Variants in CELSR3 observed in about 807,000 individuals in gnomAD.
CELSR3 encodes cadherin EGF LAG seven-pass G-type receptor 3, also known as EGF-like protein 1.
Under a neutral mutation model 270.0 loss-of-function variants are expected in CELSR3, and 73 were observed. The observed-to-expected ratio is 0.27, with a 90% CI of 0.22 to 0.33. The LOEUF (loss-of-function observed/expected upper bound fraction) is 0.33, where lower values mean the gene tolerates loss of function less well. Ranked by LOEUF, CELSR3 falls within the 10% of genes least tolerant of loss-of-function variation. The pLI is 1.00. For missense variants in CELSR3, 3,614 were observed against 4,533.8 expected, an observed-to-expected ratio of 0.80 and a Z score of 5.83; for synonymous variants, 1,780 against 1,905.4, an observed-to-expected ratio of 0.93 and a Z score of 1.71.
In CELSR3 at chr3:48,660,423, CAG is replaced by C; in HGVS notation, c.2210_2211del (p.Ser737CysfsTer13). Reference sequence around the variant, plus strand: ...ACAGTCACGGTGACACTGGCTGAGGCAGAGAGTGGGGGTGAGCCATGGTCTCG... The same window carrying C: ...ACAGTCACGGTGACACTGGCTGAGGCAGAGTGGGGGTGAGCCATGGTCTCG... ...EARDHGSPPLSASASVTVTVL... is the reference protein window; with the variant it reads ...EARDHGSPPLXASASVTVTVL... On this transcript the variant is annotated frameshift_variant, in exon 1 of 35. Coordinates refer to ENST00000164024, the MANE Select transcript of CELSR3 (RefSeq NM_001407.3). LOFTEE classifies it high-confidence loss of function. The surrounding 1 kb of genome is among the most constrained non-coding windows in gnomAD (Gnocchi z 5.5). 1 of 1,614,080 alleles carries C rather than the reference CAG, an allele frequency of 6.2e-7. No homozygotes were observed. Among genetic ancestry groups the C allele is most frequent in the Non-Finnish European group, 8.5e-7 (1 of 1,180,030 alleles).
In CELSR3 at chr3:48,638,051, T is replaced by C. The variant is rs1203293913; in HGVS notation, c.*154A>G. 1.5e-6 allele frequency: 1 copy of C among 646,154 alleles called. No homozygotes were observed. Among genetic ancestry groups the C allele is most frequent in the African/African-American group, 1.8e-5 (1 of 55,632 alleles). 40.0% of individuals were successfully genotyped at this position (646,154 alleles called of 1,614,324 possible). A position where few individuals can be genotyped will look rare whatever the true frequency, so the allele number is the denominator to read the frequency against. On this transcript the variant is annotated 3_prime_UTR_variant, in exon 35 of 35. Coordinates refer to ENST00000164024, the MANE Select transcript of CELSR3 (RefSeq NM_001407.3). ...TCACACGCATGCTCACAGATGCACATGGAGCCTCAGCCCTGCCACACCAGG... is the reference window on the plus strand; with the variant it reads ...TCACACGCATGCTCACAGATGCACACGGAGCCTCAGCCCTGCCACACCAGG...
chr3:48,648,070 C>A, intron 19 of CELSR3, 74 bp from the exon 20 acceptor site: 4 of 1,557,852 alleles, frequency 2.6e-6, no homozygotes, highest in Non-Finnish European at 3.5e-6. Flanking sequence ...CCCTCTTACT[C>A]GCATCCCGCA....
Position 48,639,495 on chromosome 3 carries a change from C to T in CELSR3, c.9911+179G>A, listed in dbSNP as rs1479281348. ...AGCCAGCAAGTCCCTGCTAGTCACA[C>T]CCCCATTTCTTGCCAGATTCCTGTC... On this transcript the variant is annotated intron_variant, in intron 34 of 34. Coordinates refer to ENST00000164024, the MANE Select transcript of CELSR3 (RefSeq NM_001407.3). The surrounding 1 kb of genome is among the most constrained non-coding windows in gnomAD (Gnocchi z 4.1). Among the ~76,000 whole-genome samples the T allele has an allele frequency of 6.6e-6, 1 of 152,202 alleles. No individual in the cohort carries two copies. The highest frequency in any genetic ancestry group is 2.4e-5 in the African/African-American group (1 of 41,448).
At chr3:48,648,610 C>G (rs1216527570) in intron 18 of CELSR3, 109 bp downstream of exon 18, 1 of 1,418,580 alleles carries the variant, frequency 7.0e-7, no homozygotes, top group Non-Finnish European at 9.5e-7. Flanking sequence ...AGGGAGAGCC[C>G]AGGACCTTCA....
chr3:48,662,751 G>A lies in CELSR3; in HGVS notation c.-117C>T. ...CGCCGCCCCGGGCCCCCGCCCCTCC[G>A]CCTGTCTCTCCGCACCCCCGCCGCC... On this transcript the variant is annotated 5_prime_UTR_variant, in exon 1 of 35. Transcript: ENST00000164024. The surrounding 1 kb of genome is among the most constrained non-coding windows in gnomAD (Gnocchi z 7.1). 4.1e-6 allele frequency: 1 copy of A among 241,886 alleles called. No homozygotes were observed. Among genetic ancestry groups the A allele is most frequent in the Non-Finnish European group, 6.4e-6 (1 of 155,802 alleles). The allele number at this position is 241,886 out of a possible 1,614,324, so 15.0% of individuals were successfully genotyped here.
In CELSR3 at chr3:48,650,999, G is replaced by A. The variant is rs762717991; in HGVS notation, c.6263C>T (p.Ser2088Leu). Residue 2088 changes from serine to leucine, a missense_variant, in exon 15 of 35, where the codon TCA becomes TTA. Coordinates refer to ENST00000164024, the MANE Select transcript of CELSR3 (RefSeq NM_001407.3). The surrounding 1 kb of genome is among the most constrained non-coding windows in gnomAD (Gnocchi z 5.1). Reference protein sequence around the residue: ...DCYPVGSTSRSCAPHSGQCPC... With the variant: ...DCYPVGSTSRLCAPHSGQCPC... ...GCACTGCCCGCTGTGGGGTGCACAT[G>A]AGCGCGAGGTGGAGCCCACAGGGTA... 3.1e-6 allele frequency: 5 copies of A among 1,609,574 alleles called. No homozygotes were observed. The highest frequency in any genetic ancestry group is 4.2e-6 in the Non-Finnish European group (5 of 1,178,590).
chr3:48,650,283 C>T lies in CELSR3; in HGVS notation c.6472+197G>A, dbSNP rs561873150. The T allele has an allele frequency of 2.0e-5, 14 of 685,046 alleles. No individual in the cohort carries two copies. The highest frequency in any genetic ancestry group is 1.1e-4 in the African/African-American group (6 of 56,800). 42.4% of individuals were successfully genotyped at this position (685,046 alleles called of 1,614,324 possible). A position where few individuals can be genotyped will look rare whatever the true frequency, so the allele number is the denominator to read the frequency against. On this transcript the variant is annotated intron_variant, in intron 16 of 34. Transcript: ENST00000164024. The surrounding 1 kb of genome is among the most constrained non-coding windows in gnomAD (Gnocchi z 5.1). ...AAACACGTACCCCTTACCTGCACCC[C>T]GCAATCCTGCCCAGAAGCCAAGAGA...
In CELSR3 at chr3:48,637,919, A is replaced by C; in HGVS notation, c.*286T>G. ...TCCCTCCCCCTCCCAGCCCAGCCTC[A>C]AACCCCCCAGGAGACAGAAAAGCTG... On this transcript the variant is annotated 3_prime_UTR_variant, in exon 35 of 35. Transcript: ENST00000164024. The C allele has an allele frequency of 4.0e-5, 14 of 346,174 alleles. No individual in the cohort carries two copies. The highest frequency in any genetic ancestry group is 1.9e-4 in the South Asian group (3 of 15,610). 21.4% of individuals were successfully genotyped at this position (346,174 alleles called of 1,614,324 possible).
In CELSR3 at chr3:48,657,302, G is replaced by A; in HGVS notation, c.3795C>T (p.Ile1265=). The stretch of plus-strand genomic sequence containing the variant: ...TGTTGGCCAGCAACTCCTCCGTGAT[G>A]ATGACCACGCGCAGCACACACTGCG... The part of the protein sequence containing the change: ...VTAQCVLRVV[I]ITEELLANSL... Residue 1265 remains isoleucine (I), a synonymous_variant, in exon 2 of 35, where the codon ATC becomes ATT. Coordinates refer to ENST00000164024, the MANE Select transcript of CELSR3 (RefSeq NM_001407.3). The surrounding 1 kb of genome is among the most constrained non-coding windows in gnomAD (Gnocchi z 5.4). 3 of 1,610,256 alleles carry A rather than the reference G, an allele frequency of 1.9e-6. No individual in the cohort carries two copies.
chr3:48,641,288 G>T lies in CELSR3; in HGVS notation c.9025+36C>A, dbSNP rs371942613. The T allele has an allele frequency of 1.5e-6, 2 of 1,375,434 alleles. No homozygotes were observed. The highest frequency in any genetic ancestry group is 2.1e-6 in the Non-Finnish European group (2 of 966,580). 85.2% of individuals were successfully genotyped at this position (1,375,434 alleles called of 1,614,324 possible). A position where few individuals can be genotyped will look rare whatever the true frequency, so the allele number is the denominator to read the frequency against. The stretch of plus-strand genomic sequence containing the variant: ...GCTCAGGGCATGAGCAGCCCCCAGC[G>T]TGTCTGCGGTGTGGGCCAGGGCTCA... On this transcript the variant is annotated intron_variant, in intron 33 of 34. Coordinates refer to ENST00000164024, the MANE Select transcript of CELSR3 (RefSeq NM_001407.3). This position sits in a 1 kb window ranked among gnomAD's most constrained non-coding sequence, Gnocchi z 4.8.
chr3:48,646,357 G>T lies in CELSR3; in HGVS notation c.7296-100C>A. The T allele has an allele frequency of 2.4e-6, 3 of 1,270,476 alleles. No homozygotes were observed. The highest frequency in any genetic ancestry group is 2.2e-6 in the Non-Finnish European group (2 of 929,690). The allele number at this position is 1,270,476 out of a possible 1,614,324, so 78.7% of individuals were successfully genotyped here. On this transcript the variant is annotated intron_variant, in intron 21 of 34. Transcript: ENST00000164024. This position sits in a 1 kb window ranked among gnomAD's most constrained non-coding sequence, Gnocchi z 4.8. ...ATGCCACTCGCCAGGGCTGACCCAG[G>T]GTCTGGGATGTCCCCAGAGTGGAAG...
Position 48,644,902 on chromosome 3 carries a change from A to G in CELSR3, c.7973-74T>C, listed in dbSNP as rs1241622757. The G allele has an allele frequency of 1.3e-6, 2 of 1,532,414 alleles. No individual in the cohort carries two copies. Among genetic ancestry groups the G allele is most frequent in the Non-Finnish European group, 1.8e-6 (2 of 1,114,894 alleles). The allele number at this position is 1,532,414 out of a possible 1,614,324, so 94.9% of individuals were successfully genotyped here. ...GACCAGCCCATGTATGGGAGAAAGC[A>G]TGGGTGAGGGCAGAGCAGCAACCCC... On this transcript the variant is annotated intron_variant, in intron 25 of 34. Transcript: ENST00000164024. The surrounding 1 kb of genome is among the most constrained non-coding windows in gnomAD (Gnocchi z 4.8).
rs375268987 is a variant in CELSR3, at chr3:48,659,564, C to T, written c.3071G>A (p.Arg1024Gln). The T allele has an allele frequency of 5.0e-6, 8 of 1,614,192 alleles. No individual in the cohort carries two copies. The highest frequency in any genetic ancestry group is 1.1e-5 in the South Asian group (1 of 91,086). Residue 1024 changes from arginine (R) to glutamine (Q), a missense_variant, in exon 1 of 35, where the codon CGG becomes CAG. Arg to Gln is a conservative substitution (Grantham distance 43). Coordinates refer to ENST00000164024, the MANE Select transcript of CELSR3 (RefSeq NM_001407.3). This position sits in a 1 kb window ranked among gnomAD's most constrained non-coding sequence, Gnocchi z 8.1. ...PTSGIVRTVR[R>Q]LDREAVSVYE... Reference sequence around the variant, plus strand: ...CACTGATACTGCCTCCCGGTCTAGCCGCCTTACTGTACGGACAATTCCAGA... The same window carrying T: ...CACTGATACTGCCTCCCGGTCTAGCTGCCTTACTGTACGGACAATTCCAGA...
chr3:48,642,692 G>T lies in CELSR3; in HGVS notation c.8555+44C>A. 6.3e-7 allele frequency: 1 copy of T among 1,588,954 alleles called. No individual in the cohort carries two copies. ...AGCCAAGCCCTGGTAAGGTGGGGCTGGACTAAGCTGAGTGTTCCCTCACAA... is the reference window on the plus strand; with the variant it reads ...AGCCAAGCCCTGGTAAGGTGGGGCTTGACTAAGCTGAGTGTTCCCTCACAA... On this transcript the variant is annotated intron_variant, in intron 30 of 34. Transcript: ENST00000164024. This position sits in a 1 kb window ranked among gnomAD's most constrained non-coding sequence, Gnocchi z 6.1.
Position 48,656,301 on chromosome 3 carries a change from G to C in CELSR3, c.4464C>G (p.Gly1488=), listed in dbSNP as rs1458469877. 5 of 1,506,122 alleles carry C rather than the reference G, an allele frequency of 3.3e-6. No individual in the cohort carries two copies. The highest frequency in any genetic ancestry group is 4.4e-6 in the Non-Finnish European group (5 of 1,136,552). 93.3% of individuals were successfully genotyped at this position (1,506,122 alleles called of 1,614,324 possible). A position where few individuals can be genotyped will look rare whatever the true frequency, so the allele number is the denominator to read the frequency against. Reference sequence around the variant, plus strand: ...CGCCGTTGGGCGCGTCGGTGCAGGTGCCCCCGTTGCGGCAGACGCCCGGCA... The same window carrying C: ...CGCCGTTGGGCGCGTCGGTGCAGGTCCCCCCGTTGCGGCAGACGCCCGGCA... ...RCVPGVCRNG[G]TCTDAPNGGF... Residue 1488 remains glycine, a synonymous_variant, in exon 3 of 35, where the codon GGC becomes GGG. Coordinates refer to ENST00000164024, the MANE Select transcript of CELSR3 (RefSeq NM_001407.3).
rs952282410 is a variant in CELSR3, at chr3:48,655,726, G to A, written c.4741+10C>T. 1 of 1,610,588 alleles carries A rather than the reference G, an allele frequency of 6.2e-7. No homozygotes were observed. ...ACGCACCCTTTCGCCGTCACATCCG[G>A]GGCACCCACCCGTGGAATATGTGAG... On this transcript the variant is annotated intron_variant, in intron 4 of 34. Transcript: ENST00000164024. The surrounding 1 kb of genome is among the most constrained non-coding windows in gnomAD (Gnocchi z 5.8).
Position 48,636,716 on chromosome 3 carries a change from A to T in CELSR3, c.*1489T>A. The T allele has an allele frequency of 6.6e-6, 1 of 152,248 alleles. No homozygotes were observed. 9.4% of individuals were successfully genotyped at this position (152,248 alleles called of 1,614,324 possible). On this transcript the variant is annotated 3_prime_UTR_variant, in exon 35 of 35. Transcript: ENST00000164024. ...CTCCAGTCAGGGAAGTAGAATTTCT[A>T]ATCTCCCAGGAAGCTGCTTCCCAAG...
Position 48,645,739 on chromosome 3 carries a change from C to G in CELSR3, c.7590+3G>C. ...TTCCTTGGGACACTGAACACAGCCC[C>G]ACCTCACGGGGAGAGGCATCCATGA... On this transcript the variant is annotated splice_donor_region_variant and intron_variant, in intron 23 of 34. Coordinates refer to ENST00000164024, the MANE Select transcript of CELSR3 (RefSeq NM_001407.3). This position sits in a 1 kb window ranked among gnomAD's most constrained non-coding sequence, Gnocchi z 5.4. The G allele has an allele frequency of 6.2e-7, 1 of 1,607,488 alleles. No homozygotes were observed. Among genetic ancestry groups the G allele is most frequent in the Non-Finnish European group, 8.5e-7 (1 of 1,175,658 alleles).
In CELSR3 at chr3:48,662,820, C is replaced by A; in HGVS notation, c.-186G>T. 1 of 298,480 alleles carries A rather than the reference C, an allele frequency of 3.4e-6. No individual in the cohort carries two copies. The allele number at this position is 298,480 out of a possible 1,614,324, so 18.5% of individuals were successfully genotyped here. A position where few individuals can be genotyped will look rare whatever the true frequency, so the allele number is the denominator to read the frequency against. ...CCGCGGCCGGAGCCCCTCCGGCGTG[C>A]GGCCCTGGCTTTTTCCGCCCCCACC... On this transcript the variant is annotated 5_prime_UTR_variant, in exon 1 of 35. Transcript: ENST00000164024. This position sits in a 1 kb window ranked among gnomAD's most constrained non-coding sequence, Gnocchi z 7.1.
Sources: allele counts gnomAD v4.1 joint callset (sites outside exome capture counted in the v4.1 genomes callset), GRCh38; gene constraint gnomAD v4.1.1; non-coding constraint Gnocchi (gnomAD v3.1); transcripts MANE v1.5; gene names NCBI Gene and HGNC (gene_info 2026-07-23, HGNC 2026-07-21).